ZNF704: variants seen among roughly 807,000 people sequenced by gnomAD.
The protein encoded by ZNF704 is glucocorticoid induced gene 1.
ZNF704 carries 10 observed loss-of-function variants against 44.7 expected under a neutral mutation model. The observed-to-expected ratio is 0.22, with a 90% CI of 0.14 to 0.38. ZNF704 has a LOEUF of 0.38. Ranked by LOEUF, ZNF704 falls within the 10% of genes least tolerant of loss-of-function variation. ZNF704 has a pLI of 1.00. For synonymous variants in ZNF704, 211 were observed against 207.6 expected (o/e 1.02, Z -0.14); for missense variants, 390 against 545.5 (o/e 0.71, Z 2.84).
chr8:80,850,791 A>G (rs567123299), intron 1 of ZNF704, among the ~76,000 whole-genome samples: 2 of 152,218 alleles, frequency 1.3e-5, no homozygotes, highest in East Asian at 3.9e-4. Context: ...CTGCAAATAC[A>G]TGCATATGTG....
chr8:80,713,752 G>T (rs1475528792), intron 2 of ZNF704, among the ~76,000 whole-genome samples: 1 of 152,118 alleles, frequency 6.6e-6, no homozygotes, highest in Non-Finnish European at 1.5e-5. Flanking sequence ...TTATTTCTTC[G>T]CTGTCATCTT....
chr8:80,688,670 C>T (rs72671913), intron 3 of ZNF704, among the ~76,000 whole-genome samples: 3,444 of 152,300 alleles, frequency 0.023, 65 homozygotes, highest in South Asian at 0.066. Context: ...TCTAAGATTG[C>T]TATTGGCTAT....
At chr8:80,809,224 G>A (rs1325461965) in intron 2 of ZNF704, among the ~76,000 whole-genome samples, 2 of 152,182 alleles carry the variant, frequency 1.3e-5, no homozygotes, top group African/African-American at 4.8e-5. Flanking sequence ...CTGGGAAGTG[G>A]AGGTTGAAGT....
intron 8 of ZNF704, 30 bp downstream of exon 8, chr8:80,643,005 A>G: frequency 6.9e-7 from 1 of 1,441,568 alleles, no homozygotes; most frequent in Non-Finnish European, 9.4e-7. Flanking sequence ...CCTTGTGGTG[A>G]GGTGTGTGGA....
rs1344546504 is a variant in ZNF704, at chr8:80,838,687, G to GGAGGGGAGCAGACACTGGAGGAGGAGGAA, written c.-21-17101_-21-17073dup. On this transcript the variant is annotated intron_variant, in intron 1 of 8. Coordinates refer to ENST00000327835, the MANE Select transcript of ZNF704 (RefSeq NM_001033723.3). ...AGCAGAACCTGGAGGAGGAGGAGGAGGAGGGGAGCAGACACTGGAGGAGGA... is the reference window on the plus strand; with the variant it reads ...AGCAGAACCTGGAGGAGGAGGAGGAGGAGGGGAGCAGACACTGGAGGAGGAGGAAGAGGGGAGCAGACACTGGAGGAGGA... 4.0e-5 allele frequency among the ~76,000 whole-genome samples: 6 copies of GGAGGGGAGCAGACACTGGAGGAGGAGGAA among 149,834 alleles called. No homozygotes were observed. In the East Asian group the frequency reaches 1.2e-3, roughly 29 times the overall value.
At position 80,639,395 on chromosome 8, in the gene ZNF704, G is replaced by A. The variant is rs536974241; in HGVS notation, c.*1971C>T. ...GGAGGAGAAAGGACGTGTTAGAGTA[G>A]AGGAAACAAACACATTTCTGCGTTT... On this transcript the variant is annotated 3_prime_UTR_variant, in exon 9 of 9. Coordinates refer to ENST00000327835, the MANE Select transcript of ZNF704 (RefSeq NM_001033723.3). 3.9e-5 allele frequency: 6 copies of A among 152,218 alleles called. No individual in the cohort carries two copies. The highest frequency in any genetic ancestry group is 2.9e-5 in the Non-Finnish European group (2 of 68,058). The allele number at this position is 152,218 out of a possible 1,614,324, so 9.4% of individuals were successfully genotyped here.
At chr8:80,805,469 T>C (rs2129812734) in intron 2 of ZNF704, among the ~76,000 whole-genome samples, 1 of 152,292 alleles carries the variant, frequency 6.6e-6, no homozygotes, top group East Asian at 1.9e-4. Context: ...CATCTTTTCT[T>C]AGATAACAGG....
At position 80,821,487 on chromosome 8, in the gene ZNF704, G is replaced by A. The variant is rs758930641; in HGVS notation, c.108C>T (p.Asp36=). 4.0e-5 allele frequency: 65 copies of A among 1,614,118 alleles called. No individual in the cohort carries two copies. The South Asian group carries it at 6.9e-4, about 17-fold the overall frequency. The stretch of plus-strand genomic sequence containing the variant: ...CAAGGATCCGGCTGGCTTTTTTGGT[G>A]TCTGCTGTTTTCACATCTTCCTCCA... The part of the protein sequence containing the change: ...LAMEEDVKTA[D]TKKASRILDH... Residue 36 remains aspartate, a synonymous_variant, in exon 2 of 9, where the codon GAC becomes GAT. Transcript: ENST00000327835.
At chr8:80,851,896 A>G (rs1808870334) in intron 1 of ZNF704, among the ~76,000 whole-genome samples, 1 of 152,134 alleles carries the variant, frequency 6.6e-6, no homozygotes, top group African/African-American at 2.4e-5. Flanking sequence ...ACAACAAAAA[A>G]GACTAGACAT....
chr8:80,821,271 C>T (rs1586051610), intron 2 of ZNF704, 103 bp downstream of exon 2: 5 of 1,240,218 alleles, frequency 4.0e-6, no homozygotes, highest in Non-Finnish European at 5.7e-6. Flanking sequence ...GAAAACCTTT[C>T]ATATGTCTAT....
At chr8:80,856,843 G>A (rs1212156102) in intron 1 of ZNF704, among the ~76,000 whole-genome samples, 1 of 152,060 alleles carries the variant, frequency 6.6e-6, no homozygotes, top group Non-Finnish European at 1.5e-5. Context: ...TAGTTATTTT[G>A]CATTTCCATA....
Position 80,768,642 on chromosome 8 carries a change from G to A in ZNF704, c.221+52732C>T, listed in dbSNP as rs189827774. 5.4e-3 allele frequency among the ~76,000 whole-genome samples: 827 copies of A among 152,162 alleles called. 9 individuals carry two copies. Among genetic ancestry groups the A allele is most frequent in the African/African-American group, 0.019 (797 of 41,494 alleles). ...TTTTAATAACACAAGGTTGGCATCA[G>A]AAAATAAAGGCGGTTAACATCGCAT... is the stretch of plus-strand genomic sequence containing the variant. On this transcript the variant is annotated intron_variant, in intron 2 of 8. Coordinates refer to ENST00000327835, the MANE Select transcript of ZNF704 (RefSeq NM_001033723.3).
intron 1 of ZNF704, among the ~76,000 whole-genome samples, chr8:80,849,117 C>T (rs906459662): frequency 1.5e-4 from 23 of 152,160 alleles, no homozygotes; most frequent in Admixed American, 7.9e-4. Context: ...TTAGGTATCA[C>T]ACGATTCTAT....
intron 2 of ZNF704, among the ~76,000 whole-genome samples, chr8:80,760,514 G>A (rs1807110137): frequency 6.6e-6 from 1 of 151,902 alleles, no homozygotes; most frequent in African/African-American, 2.4e-5. Flanking sequence ...AAATTGGCTG[G>A]GTGTGGTGGC....
At chr8:80,838,908 C>T (rs571053096) in intron 1 of ZNF704, among the ~76,000 whole-genome samples, 1 of 152,208 alleles carries the variant, frequency 6.6e-6, no homozygotes, top group South Asian at 2.1e-4. Context: ...GGAGAGCGGA[C>T]CCTGGAGAGA....
At chr8:80,820,640 C>T (rs1808254332) in intron 2 of ZNF704, among the ~76,000 whole-genome samples, 1 of 152,086 alleles carries the variant, frequency 6.6e-6, no homozygotes, top group African/African-American at 2.4e-5. Flanking sequence ...TAACTCATGC[C>T]TGTAATCTCA....
intron 2 of ZNF704, among the ~76,000 whole-genome samples, chr8:80,754,162 G>A (rs904909665): frequency 4.6e-5 from 7 of 151,834 alleles, no homozygotes; most frequent in African/African-American, 1.5e-4. Flanking sequence ...TGTATTTTCT[G>A]AACTATTTTT....
chr8:80,881,620 AT>A, the ZNF704 span, among the ~76,000 whole-genome samples: 6 of 152,048 alleles, frequency 3.9e-5, no homozygotes, highest in Admixed American at 6.6e-5. Context: ...CACTTTCCCT[AT>A]TTTTTTGCCT....
intron 2 of ZNF704, among the ~76,000 whole-genome samples, chr8:80,723,737 G>A (rs946999479): frequency 2.0e-5 from 3 of 152,162 alleles, no homozygotes; most frequent in Non-Finnish European, 2.9e-5. Flanking sequence ...TTTAAAATGC[G>A]AGAGGGTACA....
Sources: allele counts gnomAD v4.1 joint callset (sites outside exome capture counted in the v4.1 genomes callset), GRCh38; gene constraint gnomAD v4.1.1; transcripts MANE v1.5; gene names NCBI Gene and HGNC (gene_info 2026-07-23, HGNC 2026-07-21).